MKLN1: variants seen among roughly 807,000 people sequenced by gnomAD.
MKLN1 encodes muskelin.
MKLN1 carries 18 observed loss-of-function variants against 99.0 expected under a neutral mutation model. That is an observed-to-expected ratio of 0.18 (90% confidence interval 0.13 to 0.27). MKLN1 has a LOEUF of 0.27. MKLN1 is among the 10% of genes least tolerant of loss of function. MKLN1 has a pLI of 1.00. For synonymous variants in MKLN1, 288 were observed against 293.2 expected (o/e 0.98, Z 0.18); for missense variants, 621 against 875.9 (o/e 0.71, Z 3.67).
chr7:131,372,884 C>G (rs187307145), intron 1 of MKLN1, among the ~76,000 whole-genome samples: 25 of 151,068 alleles, frequency 1.7e-4, no homozygotes, highest in African/African-American at 5.9e-4. Context: ...TTTTCTTTTT[C>G]TTTCTTTTCT....
At chr7:131,345,162 T>A (rs1022676152) in intron 1 of MKLN1, among the ~76,000 whole-genome samples, 1 of 152,170 alleles carries the variant, frequency 6.6e-6, no homozygotes, top group African/African-American at 2.4e-5. Context: ...GGCATGTAAT[T>A]TGGAAGGTGG....
chr7:131,470,407 A>G (rs986156490), intron 15 of MKLN1, among the ~76,000 whole-genome samples: 3 of 152,218 alleles, frequency 2.0e-5, no homozygotes, highest in East Asian at 3.8e-4. Context: ...TTTCCAAGGT[A>G]TCTGTTAAGC....
chr7:131,209,546 G>A (rs753303567), intron 3 of MKLN1, among the ~76,000 whole-genome samples: 14 of 152,192 alleles, frequency 9.2e-5, no homozygotes, highest in Non-Finnish European at 1.5e-4. Context: ...GGCACTGGGT[G>A]GATGGTGATG....
In MKLN1 at chr7:131,493,050, T is replaced by C. The variant is rs1337353124; in HGVS notation, c.*5322T>C. ...CATTATTTGGAAATAAGATTTGCAA[T>C]GTGCTGTCTATCCCCAAACACTGCT... is the stretch of plus-strand genomic sequence containing the variant. On this transcript the variant is annotated 3_prime_UTR_variant, in exon 18 of 18. Coordinates refer to ENST00000352689, the MANE Select transcript of MKLN1 (RefSeq NM_013255.5). 1 of 152,208 alleles carries C rather than the reference T, an allele frequency of 6.6e-6. No homozygotes were observed. Among genetic ancestry groups the C allele is most frequent in the Admixed American group, 6.5e-5 (1 of 15,274 alleles). 9.4% of individuals were successfully genotyped at this position (152,208 alleles called of 1,614,324 possible). A position where few individuals can be genotyped will look rare whatever the true frequency, so the allele number is the denominator to read the frequency against.
At chr7:131,199,591 T>G (rs980195709) in intron 2 of MKLN1, among the ~76,000 whole-genome samples, 1 of 152,208 alleles carries the variant, frequency 6.6e-6, no homozygotes, top group African/African-American at 2.4e-5. Context: ...TCATTATAGG[T>G]GAAGGTGGAT....
intron 1 of MKLN1, among the ~76,000 whole-genome samples, chr7:131,360,746 CTCTT>C (rs1355829439): frequency 2.2e-4 from 34 of 152,064 alleles, no homozygotes; most frequent in Non-Finnish European, 3.7e-4. Context: ...TTCTCTGACC[CTCTT>C]TCTTTATGTA....
At position 131,487,767 on chromosome 7, in the gene MKLN1, C is replaced by T. The variant is rs746501584; in HGVS notation, c.*39C>T. On this transcript the variant is annotated 3_prime_UTR_variant, in exon 18 of 18. Transcript: ENST00000352689. The surrounding 1 kb of genome is among the most constrained non-coding windows in gnomAD (Gnocchi z 4.7). ...GGACACAGAAATGGAAAACAGGAGT[C>T]GATTTTCCGTCTTTTGGATTGCAGC... is the stretch of plus-strand genomic sequence containing the variant. 2.3e-5 allele frequency: 37 copies of T among 1,601,152 alleles called. No individual in the cohort carries two copies. Among genetic ancestry groups the T allele is most frequent in the African/African-American group, 2.7e-5 (2 of 74,284 alleles).
rs1193634177 is a variant in MKLN1 at position 131,224,918 on chromosome 7, A to C, written c.-179+21944A>C. 2.0e-5 allele frequency among the ~76,000 whole-genome samples: 3 copies of C among 146,848 alleles called. No homozygotes were observed. The East Asian group carries it at 6.2e-4, about 30-fold the overall frequency. ...GAAACCCCGTCTCTACTAAAAATAC[A>C]AAAAATTAGCTGGGCATGGTGGCAG... is the stretch of plus-strand genomic sequence containing the variant. On this transcript the variant is annotated intron_variant, in intron 3 of 7. Transcript: ENST00000416992.
chr7:131,120,560 A>AAAAG (rs1554525151), intron 1 of MKLN1, among the ~76,000 whole-genome samples: 8 of 145,756 alleles, frequency 5.5e-5, no homozygotes, highest in Non-Finnish European at 8.8e-5. Context: ...AAAAAAAAAA[A>AAAAG]AAAAAGAAAA....
intron 1 of MKLN1, among the ~76,000 whole-genome samples, chr7:131,336,675 T>G (rs1055315248): frequency 6.6e-6 from 1 of 152,148 alleles, no homozygotes; most frequent in Non-Finnish European, 1.5e-5. Context: ...ATTAGGATTT[T>G]GAAAAACAAC....
At chr7:131,126,511 GGAGGGCTCTCAAAACA>G (rs1356953727) in intron 1 of MKLN1, among the ~76,000 whole-genome samples, 1 of 151,980 alleles carries the variant, frequency 6.6e-6, no homozygotes, top group Non-Finnish European at 1.5e-5. Context: ...GTGTTTTTTG[GGAGGGCTCTCAAAACA>G]GCCATTAAAT....
intron 12 of MKLN1, among the ~76,000 whole-genome samples, chr7:131,450,213 C>A (rs1292898177): frequency 6.6e-6 from 1 of 152,184 alleles, no homozygotes; most frequent in African/African-American, 2.4e-5. Flanking sequence ...TACAGCTATT[C>A]TGTGTTACCA....
At chr7:131,335,662 A>G (rs552768336) in intron 1 of MKLN1, among the ~76,000 whole-genome samples, 82 of 150,232 alleles carry the variant, frequency 5.5e-4, no homozygotes, top group African/African-American at 1.9e-3. Context: ...AATGTTTTTC[A>G]GATTTTATTT....
intron 3 of MKLN1, among the ~76,000 whole-genome samples, chr7:131,231,392 G>C (rs1055657645): frequency 6.6e-6 from 1 of 152,020 alleles, no homozygotes; most frequent in Non-Finnish European, 1.5e-5. Flanking sequence ...GAAGCACTTG[G>C]CTCCATCGTC....
At chr7:131,373,544 A>T in intron 1 of MKLN1, among the ~76,000 whole-genome samples, 1 of 152,212 alleles carries the variant, frequency 6.6e-6, no homozygotes, top group African/African-American at 2.4e-5. Flanking sequence ...TTTTGATAAT[A>T]AGTCTCTTTA....
chr7:131,246,005 C>G (rs1306203240), intron 3 of MKLN1, among the ~76,000 whole-genome samples: 4 of 152,200 alleles, frequency 2.6e-5, no homozygotes, highest in South Asian at 2.1e-4. Flanking sequence ...GCCAGGTGCC[C>G]TAGGGCCGCA....
intron 1 of MKLN1, 98 bp downstream of exon 1, chr7:131,328,095 GC>G: frequency 7.0e-7 from 1 of 1,434,810 alleles, no homozygotes; most frequent in Non-Finnish European, 9.5e-7. Flanking sequence ...AGAGGCCCAG[GC>G]GGGGCCTGCT....
chr7:131,223,798 G>A (rs1183249945), intron 3 of MKLN1, among the ~76,000 whole-genome samples: 2 of 151,934 alleles, frequency 1.3e-5, no homozygotes, highest in Non-Finnish European at 2.9e-5. Flanking sequence ...ATGGAGTCTT[G>A]CTCTGTTGCC....
Position 131,489,247 on chromosome 7 carries a change from T to G in MKLN1, c.*1519T>G, listed in dbSNP as rs1265316312. 1 of 152,126 alleles carries G rather than the reference T, an allele frequency of 6.6e-6. No individual in the cohort carries two copies. Among genetic ancestry groups the G allele is most frequent in the African/African-American group, 2.4e-5 (1 of 41,434 alleles). The allele number at this position is 152,126 out of a possible 1,614,324, so 9.4% of individuals were successfully genotyped here. On this transcript the variant is annotated 3_prime_UTR_variant, in exon 18 of 18. Transcript: ENST00000352689. The stretch of plus-strand genomic sequence containing the variant: ...TGGTTTTACTTATTTTGGGGATGGA[T>G]AGAAATATATTTTTGCTAGTTCTAG...
Sources: allele counts gnomAD v4.1 joint callset (sites outside exome capture counted in the v4.1 genomes callset), GRCh38; gene constraint gnomAD v4.1.1; non-coding constraint Gnocchi (gnomAD v3.1); transcripts MANE v1.5; gene names NCBI Gene and HGNC (gene_info 2026-07-23, HGNC 2026-07-21).